Variants in ZNF717 observed in about 807,000 individuals in gnomAD.
ZNF717 encodes krueppel-like factor X17.
ZNF717 carries 9 observed loss-of-function variants against 13.8 expected under a neutral mutation model. The ratio of observed to expected loss-of-function variants is 0.65; its 90% CI spans 0.39 to 1.14. ZNF717 has a LOEUF of 1.14. ZNF717 is among the 50% of genes most tolerant of loss of function. ZNF717 has a pLI of 0.01. For synonymous variants in ZNF717, 327 were observed against 364.1 expected (o/e 0.90, Z 1.16); for missense variants, 1,040 against 1,080.7 (o/e 0.96, Z 0.53).
At chr3:75,740,169 G>T (rs1351216218) in intron 4 of ZNF717, among the ~76,000 whole-genome samples, 1 of 152,118 alleles carries the variant, frequency 6.6e-6, no homozygotes, top group Non-Finnish European at 1.5e-5. Context: ...TTTTTGAAGG[G>T]TTTTATTTTG....
At chr3:75,751,463 C>T (rs1575834725) in intron 2 of ZNF717, among the ~76,000 whole-genome samples, 1 of 151,436 alleles carries the variant, frequency 6.6e-6, no homozygotes, top group South Asian at 2.1e-4. Context: ...AATGTTTGTC[C>T]CTCACATAGG....
At chr3:75,782,918 G>A (rs140724004) in intron 2 of ZNF717, among the ~76,000 whole-genome samples, 271 of 152,310 alleles carry the variant, frequency 1.8e-3, no homozygotes, top group African/African-American at 5.9e-3. Flanking sequence ...AACACTACAA[G>A]TATTTACTGC....
At chr3:75,752,320 T>C in intron 2 of ZNF717, among the ~76,000 whole-genome samples, 2 of 111,946 alleles carry the variant, frequency 1.8e-5, no homozygotes, top group South Asian at 2.9e-4. Flanking sequence ...TGTTTGTCCC[T>C]CACATAGGAT....
rs1330256013 is a variant in ZNF717, at chr3:75,737,855, G to A, written c.1768C>T (p.Pro590Ser). 11 of 1,551,344 alleles carry A rather than the reference G, an allele frequency of 7.1e-6. No homozygotes were observed. Among genetic ancestry groups the A allele is most frequent in the South Asian group, 1.2e-5 (1 of 84,002 alleles). The change falls in exon 5 of 5, where the codon CCC (proline) becomes TCC (serine). Residue 590 changes from proline (P) to serine (S), a missense_variant. Physicochemically the swap from Pro to Ser is moderately conservative, Grantham distance 74. Around this residue, in one of 3 missense-constraint regions of ZNF717, gnomAD observed 873 missense variants for 832.8 expected, o/e 1.05. Coordinates refer to ENST00000652011, the MANE Select transcript of ZNF717 (RefSeq NM_001290208.3). ...TTCTCACATTCATTACATTCATAGG[G>A]TTTTTTGCCAGCATGAGTTCTCTGA... ...IHQRTHAGKKPYECNECEKTF... is the reference protein window; with the variant it reads ...IHQRTHAGKKSYECNECEKTF...
intron 5 of ZNF717, among the ~76,000 whole-genome samples, chr3:75,712,186 G>A (rs1373988069): frequency 2.0e-5 from 3 of 152,332 alleles, no homozygotes; most frequent in Admixed American, 1.3e-4. Flanking sequence ...GAAAAAAGGG[G>A]AGCTGAATCT....
At chr3:75,762,110 A>G (rs796780374) in intron 2 of ZNF717, among the ~76,000 whole-genome samples, 4 of 117,974 alleles carry the variant, frequency 3.4e-5, no homozygotes, top group South Asian at 5.1e-4. Context: ...AAGAAAAGAA[A>G]GAAAAAGAAA....
At position 75,736,852 on chromosome 3, in the gene ZNF717, T is replaced by C. The variant is rs1259507475; in HGVS notation, c.*26A>G. The C allele has an allele frequency of 2.6e-6, 4 of 1,513,408 alleles. No homozygotes were observed. Among genetic ancestry groups the C allele is most frequent in the East Asian group, 2.5e-5 (1 of 40,622 alleles). The allele number at this position is 1,513,408 out of a possible 1,614,324, so 93.7% of individuals were successfully genotyped here. ...CTGAGCATGGAGAAATCTGTAATAG[T>C]AGCCAGAGAGGTGTAGGTTGTGTGT... On this transcript the variant is annotated 3_prime_UTR_variant, in exon 5 of 5. Transcript: ENST00000652011.
At chr3:75,732,642 G>A (rs1414651374), downstream of ZNF717, among the ~76,000 whole-genome samples, 2 of 152,182 alleles carry the variant, frequency 1.3e-5, no homozygotes, top group Admixed American at 1.3e-4. Context: ...TGAATCTCCT[G>A]GAACCTTGAC....
At chr3:75,782,152 A>G (rs1398754579) in intron 2 of ZNF717, among the ~76,000 whole-genome samples, 1 of 152,192 alleles carries the variant, frequency 6.6e-6, no homozygotes, top group Non-Finnish European at 1.5e-5. Flanking sequence ...CGAGTAAGGC[A>G]ATCACAGTCC....
intron 4 of ZNF717, among the ~76,000 whole-genome samples, chr3:75,723,924 G>C (rs1938221990): frequency 6.6e-6 from 1 of 152,238 alleles, no homozygotes; most frequent in African/African-American, 2.4e-5. Flanking sequence ...GTCTCCCTGT[G>C]ATGCTGTGCT....
At chr3:75,724,805 A>G (rs1938243469) in intron 4 of ZNF717, among the ~76,000 whole-genome samples, 1 of 149,548 alleles carries the variant, frequency 6.7e-6, no homozygotes, top group South Asian at 2.1e-4. Flanking sequence ...AACAAAAACA[A>G]GCGAAAAAGA....
intron 2 of ZNF717, among the ~76,000 whole-genome samples, chr3:75,761,813 G>C (rs201299378): frequency 6.6e-6 from 1 of 151,994 alleles, no homozygotes; most frequent in Non-Finnish European, 1.5e-5. Flanking sequence ...CAAGGCGGGT[G>C]GACCAACTGA....
chr3:75,749,758 CAAT>C (rs1941536647), intron 2 of ZNF717, among the ~76,000 whole-genome samples: 1 of 151,208 alleles, frequency 6.6e-6, no homozygotes, highest in Non-Finnish European at 1.5e-5. Flanking sequence ...GACTCCAGAA[CAAT>C]GCTGCTGGAG....
intron 2 of ZNF717, among the ~76,000 whole-genome samples, chr3:75,743,862 C>T (rs879579864): frequency 1.3e-5 from 2 of 150,810 alleles, no homozygotes; most frequent in Non-Finnish European, 3.0e-5. Context: ...AGAAGTGACA[C>T]AGACTTGGAC....
intron 6 of ZNF717, among the ~76,000 whole-genome samples, chr3:75,701,625 G>C (rs1457146730): frequency 6.6e-6 from 1 of 152,286 alleles, no homozygotes; most frequent in Admixed American, 6.5e-5. Flanking sequence ...AGGAGGCGGA[G>C]GTTGCAGTGA....
intron 2 of ZNF717, among the ~76,000 whole-genome samples, chr3:75,770,720 G>A (rs141723858): frequency 3.3e-4 from 51 of 152,316 alleles, no homozygotes; most frequent in African/African-American, 8.7e-4. Flanking sequence ...AAGAGAGGAC[G>A]ATGTGGCTTT....
Position 75,738,018 on chromosome 3 carries a change from G to C in ZNF717, c.1605C>G (p.Tyr535Ter), listed in dbSNP as rs73843011. 2.7e-6 allele frequency: 4 copies of C among 1,491,446 alleles called. No homozygotes were observed. In the African/African-American group the frequency reaches 5.6e-5, roughly 21 times the overall value. The allele number at this position is 1,491,446 out of a possible 1,614,324, so 92.4% of individuals were successfully genotyped here. ...ATGTTTTTCCACATTCGTTACATGC[G>C]TATGGTTTTTCCCCAGCATGAGTTC... Reference protein sequence around the residue: ...HQRTHAGEKPYACNECGKTYS... With the variant: ...HQRTHAGEKP Residue 535 changes from tyrosine (Y) to a stop codon, truncating the protein, a stop_gained, in exon 5 of 5, where the codon TAC (tyrosine) becomes TAG (stop). Transcript: ENST00000652011. LOFTEE classifies it low-confidence loss of function (END_TRUNC).
chr3:75,714,237 G>T (rs1938004273), intron 5 of ZNF717, among the ~76,000 whole-genome samples: 1 of 151,896 alleles, frequency 6.6e-6, no homozygotes. Context: ...GGGAAAGGGA[G>T]ACTCCCTTTC....
chr3:75,701,905 T>A (rs143504000), intron 6 of ZNF717, among the ~76,000 whole-genome samples: 6 of 151,996 alleles, frequency 3.9e-5, no homozygotes, highest in Admixed American at 3.9e-4. Flanking sequence ...CTGATCATCA[T>A]AGAAATGCAA....
Sources: allele counts gnomAD v4.1 joint callset (sites outside exome capture counted in the v4.1 genomes callset), GRCh38; gene constraint gnomAD v4.1.1; regional missense constraint gnomAD v4.1.1; transcripts MANE v1.5; gene names NCBI Gene and HGNC (gene_info 2026-07-23, HGNC 2026-07-21).